The following NARS2 variants were observed in gnomAD, a reference collection of about 807,000 sequenced individuals.
NARS2 encodes asparaginyl-tRNA synthetase.
In NARS2, 60 loss-of-function variants were observed where a neutral mutation model predicts 62.9. That is an observed-to-expected ratio of 0.95 (90% confidence interval 0.77 to 1.18). The LOEUF is 1.18. Among genes scored for constraint, NARS2 ranks in the 50% most tolerant of loss-of-function variants. The probability of loss-of-function intolerance (pLI) is 0.00; values close to 1 mark genes in which losing one functional copy is unlikely to be tolerated. For missense variants in NARS2, 619 were observed against 576.4 expected, an observed-to-expected ratio of 1.07 and a Z score of -0.76; for synonymous variants, 196 against 200.0, an observed-to-expected ratio of 0.98 and a Z score of 0.17.
intron 5 of NARS2, among the ~76,000 whole-genome samples, chr11:78,529,978 G>T (rs73506947): frequency 0.093 from 14,148 of 152,128 alleles, 2,251 homozygotes; most frequent in African/African-American, 0.32. Context: ...TGGCAACACA[G>T]GAAATAAAGT....
intron 9 of NARS2, among the ~76,000 whole-genome samples, chr11:78,473,111 A>G (rs1283410677): frequency 6.6e-6 from 1 of 152,174 alleles, no homozygotes; most frequent in Non-Finnish European, 1.5e-5. Flanking sequence ...GGCTGCAGTG[A>G]GCTATGATCA....
rs141507678 is a variant in NARS2, at chr11:78,493,094, G to C, written c.791C>G (p.Ser264Cys). Residue 264 changes from serine to cysteine, a missense_variant, in exon 7 of 14, where the codon TCT becomes TGT. Ser to Cys is a moderately radical substitution (Grantham distance 112). Transcript: ENST00000281038. ...AAGATCTTGAAGGCTGTCAACAAAA[G>C]AAATCTCTGCTTCTATCATATAAAA... The part of the protein sequence containing the change: ...AEFYMIEAEI[S>C]FVDSLQDLMQ... The C allele has an allele frequency of 1.2e-4, 195 of 1,613,494 alleles. 1 individual carries two copies. In the African/African-American group the frequency reaches 2.5e-3, roughly 21 times the overall value.
Position 78,528,922 on chromosome 11 carries a change from A to G in NARS2, c.609T>C (p.Leu203=). 1.2e-6 allele frequency: 2 copies of G among 1,610,756 alleles called. No homozygotes were observed. Among genetic ancestry groups the G allele is most frequent in the Non-Finnish European group, 1.7e-6 (2 of 1,177,744 alleles). Reference sequence around the variant, plus strand: ...TGAAGAAATTCTCCTCAGGTACCTTAAGTTTGCCTGAAGGCTGCAAATCAA... The same window carrying G: ...TGAAGAAATTCTCCTCAGGTACCTTGAGTTTGCCTGAAGGCTGCAAATCAA... ...ELFQLEPSGK[L]KVPEENFFNV... Residue 203 remains leucine, a synonymous_variant, in exon 6 of 14, where the codon CTT becomes CTC. Transcript: ENST00000281038.
chr11:78,510,367 G>A (rs1485469159), intron 6 of NARS2, among the ~76,000 whole-genome samples: 1 of 151,914 alleles, frequency 6.6e-6, no homozygotes, highest in African/African-American at 2.4e-5. Context: ...AATACAAAAG[G>A]GTTACAAGAA....
chr11:78,524,334 A>G (rs948019033), intron 6 of NARS2, among the ~76,000 whole-genome samples: 21 of 152,090 alleles, frequency 1.4e-4, no homozygotes, highest in African/African-American at 5.1e-4. Context: ...ATTTCTAGAA[A>G]TGAAATTCTG....
intron 6 of NARS2, among the ~76,000 whole-genome samples, chr11:78,505,281 C>T (rs1860446362): frequency 3.3e-5 from 1 of 30,008 alleles, no homozygotes; most frequent in Non-Finnish European, 1.2e-4. Flanking sequence ...CACACACACA[C>T]ACACACACAC....
At chr11:78,514,740 C>T (rs747636304) in intron 6 of NARS2, among the ~76,000 whole-genome samples, 1 of 152,130 alleles carries the variant, frequency 6.6e-6, no homozygotes, top group Non-Finnish European at 1.5e-5. Flanking sequence ...GAATTCAATA[C>T]TAGAAACGGG....
chr11:78,467,408 G>A lies in NARS2; in HGVS notation c.1027-1395C>T, dbSNP rs61600568. Among the ~76,000 whole-genome samples, 654 of 152,176 alleles carry A rather than the reference G, an allele frequency of 4.3e-3. 3 individuals carry two copies. Among genetic ancestry groups the A allele is most frequent in the African/African-American group, 0.015 (629 of 41,512 alleles). Reference sequence around the variant, plus strand: ...AAAAATCAGCCAGACCTGGTGGCACGCACCTGTAGTCCCAGATAGTTGGGA... The same window carrying A: ...AAAAATCAGCCAGACCTGGTGGCACACACCTGTAGTCCCAGATAGTTGGGA... On this transcript the variant is annotated intron_variant, in intron 10 of 13. Coordinates refer to ENST00000281038, the MANE Select transcript of NARS2 (RefSeq NM_024678.6).
rs116113565 is a variant in NARS2 at position 78,568,755 on chromosome 11, A to T, written c.252-3T>A. 3,121 of 1,589,298 alleles carry T rather than the reference A, an allele frequency of 2.0e-3. 61 individuals are homozygous for T. In the African/African-American group the frequency reaches 0.039, roughly 20 times the overall value. ...CAGAACTCCCAAAATTTAATTCTCTATAGTAACAAAAAACAAGATAAACAA... is the reference window on the plus strand; with the variant it reads ...CAGAACTCCCAAAATTTAATTCTCTTTAGTAACAAAAAACAAGATAAACAA... On this transcript the variant is annotated splice_region_variant and splice_polypyrimidine_tract_variant and intron_variant, in intron 2 of 13. Coordinates refer to ENST00000281038, the MANE Select transcript of NARS2 (RefSeq NM_024678.6).
At chr11:78,548,172 G>A (rs1458146007) in intron 5 of NARS2, among the ~76,000 whole-genome samples, 1 of 152,140 alleles carries the variant, frequency 6.6e-6, no homozygotes, top group Non-Finnish European at 1.5e-5. Context: ...CGATGACAGT[G>A]CAAGTGCATG....
intron 6 of NARS2, among the ~76,000 whole-genome samples, chr11:78,513,417 C>A (rs1174054697): frequency 6.6e-6 from 1 of 151,552 alleles, no homozygotes; most frequent in African/African-American, 2.4e-5. Flanking sequence ...TTGCCAGCCT[C>A]TGGTAACCAT....
At chr11:78,509,511 T>C (rs908074239) in intron 6 of NARS2, among the ~76,000 whole-genome samples, 8 of 150,552 alleles carry the variant, frequency 5.3e-5, no homozygotes, top group Non-Finnish European at 1.2e-4. Flanking sequence ...GTTTGTTTTC[T>C]AACTGACTTA....
chr11:78,516,242 A>G (rs552489081), intron 6 of NARS2, among the ~76,000 whole-genome samples: 27 of 152,238 alleles, frequency 1.8e-4, no homozygotes, highest in Non-Finnish European at 3.2e-4. Context: ...ATGTATTAGG[A>G]TAACTAAAAA....
chr11:78,544,795 C>CAAA (rs35180232), intron 5 of NARS2, among the ~76,000 whole-genome samples: 126 of 63,110 alleles, frequency 2.0e-3, no homozygotes, highest in African/African-American at 3.7e-3. Flanking sequence ...CTCCGTCTCA[C>CAAA]AAAAAAAAAA....
intron 6 of NARS2, among the ~76,000 whole-genome samples, chr11:78,498,278 C>T (rs1255657371): frequency 2.0e-5 from 3 of 152,150 alleles, no homozygotes; most frequent in African/African-American, 7.2e-5. Flanking sequence ...GAAATACCCT[C>T]GCCTCTTGAA....
intron 11 of NARS2, among the ~76,000 whole-genome samples, chr11:78,453,090 T>C (rs941798633): frequency 6.6e-6 from 1 of 152,254 alleles, no homozygotes; most frequent in African/African-American, 2.4e-5. Flanking sequence ...ATTGTGTTTC[T>C]GTGCATCGTT....
At chr11:78,459,000 C>A (rs1355411544) in intron 11 of NARS2, among the ~76,000 whole-genome samples, 1 of 150,638 alleles carries the variant, frequency 6.6e-6, no homozygotes, top group Non-Finnish European at 1.5e-5. Context: ...CTTACTGCAA[C>A]TCTGCCTACT....
chr11:78,439,817 G>A (rs1008634895), intron 13 of NARS2, among the ~76,000 whole-genome samples: 3 of 152,018 alleles, frequency 2.0e-5, no homozygotes, highest in African/African-American at 7.3e-5. Context: ...AGATCCTGAA[G>A]GAGTGCTAAT....
chr11:78,526,016 A>G (rs549388819), intron 6 of NARS2, among the ~76,000 whole-genome samples: 4 of 152,298 alleles, frequency 2.6e-5, no homozygotes, highest in Non-Finnish European at 5.9e-5. Context: ...CTGGGGAAAC[A>G]TGACAACTAA....
Sources: gnomAD v4.1 joint callset for allele counts (sites outside exome capture counted in the v4.1 genomes callset) on GRCh38, gnomAD v4.1.1 for gene constraint, MANE v1.5 for transcripts, NCBI Gene and HGNC (gene_info 2026-07-23, HGNC 2026-07-21) for gene names.